The following DAB1 variants were observed in gnomAD, a reference collection of about 807,000 sequenced individuals.
DAB1 encodes the protein disabled homolog 1.
In DAB1, 15 loss-of-function variants were observed where a neutral mutation model predicts 64.6. That is an observed-to-expected ratio of 0.23 (90% confidence interval 0.16 to 0.36). DAB1 has a LOEUF of 0.36. Among genes scored for constraint, DAB1 ranks in the 10% least tolerant of loss-of-function variants. DAB1 has a pLI of 1.00. For synonymous variants in DAB1, 235 were observed against 251.9 expected, an observed-to-expected ratio of 0.93 and a Z score of 0.64; for missense variants, 596 against 706.7, an observed-to-expected ratio of 0.84 and a Z score of 1.78.
At chr1:58,517,750 A>C (rs1646179833) in intron 2 of DAB1, among the ~76,000 whole-genome samples, 1 of 152,176 alleles carries the variant, frequency 6.6e-6, no homozygotes, top group Non-Finnish European at 1.5e-5. Flanking sequence ...GAGAAGAGCT[A>C]GCACCTAGGT....
intron 4 of DAB1, among the ~76,000 whole-genome samples, chr1:57,121,219 G>T (rs1656630113): frequency 6.6e-6 from 1 of 151,336 alleles, no homozygotes; most frequent in African/African-American, 2.4e-5. Context: ...AGGAGAAGGA[G>T]GGGAAGGGGA....
chr1:57,351,235 C>T (rs1570345771), intron 1 of DAB1, among the ~76,000 whole-genome samples: 1 of 152,258 alleles, frequency 6.6e-6, no homozygotes, highest in South Asian at 2.1e-4. Flanking sequence ...GATCTTTAAA[C>T]ACTATGCTAT....
chr1:57,903,903 A>G (rs996195431), intron 5 of DAB1, among the ~76,000 whole-genome samples: 1 of 152,086 alleles, frequency 6.6e-6, no homozygotes, highest in African/African-American at 2.4e-5. Context: ...TTAACCAAAA[A>G]CCAGCCATAT....
chr1:58,037,423 C>T (rs1647062114), intron 5 of DAB1, among the ~76,000 whole-genome samples: 1 of 152,106 alleles, frequency 6.6e-6, no homozygotes. Context: ...AACTGGGCTG[C>T]ACAGCAGGAG....
intron 3 of DAB1, among the ~76,000 whole-genome samples, chr1:58,400,606 G>C (rs1365282952): frequency 6.6e-6 from 1 of 152,176 alleles, no homozygotes; most frequent in Non-Finnish European, 1.5e-5. Flanking sequence ...TTACGGCGCT[G>C]AGACAGCTCA....
rs1391304376 is a variant in DAB1 at position 57,419,177 on chromosome 1, A to G, written c.-137+4753T>C. 5.9e-5 allele frequency among the ~76,000 whole-genome samples: 9 copies of G among 152,074 alleles called. 1 individual carries two copies. ...ACCTCCTCTGCCAAGTTTTATTTAT[A>G]TTTTCAAGCCACGTCTCTATCCTGG... On this transcript the variant is annotated intron_variant, in intron 1 of 14. Transcript: ENST00000371236.
chr1:57,449,094 A>C (rs1189948448), intron 7 of DAB1, among the ~76,000 whole-genome samples: 2 of 152,178 alleles, frequency 1.3e-5, no homozygotes, highest in African/African-American at 4.8e-5. Flanking sequence ...TATCAGGAGA[A>C]GAGGCACAAC....
intron 7 of DAB1, among the ~76,000 whole-genome samples, chr1:57,588,454 C>T (rs77928360): frequency 0.011 from 1,732 of 152,220 alleles, 34 homozygotes; most frequent in African/African-American, 0.039. Context: ...GTGATCAAAA[C>T]GATTAATGAC....
chr1:58,300,660 GGAAGGAAGGA>G (rs1662146206), intron 4 of DAB1, among the ~76,000 whole-genome samples: 2 of 115,012 alleles, frequency 1.7e-5, no homozygotes, highest in African/African-American at 7.4e-5. Flanking sequence ...AAGGAAGGAA[GGAAGGAAGGA>G]AGGAAGGAAG....
chr1:58,415,519 C>A (rs185369909), intron 3 of DAB1: 1 of 232,864 alleles, frequency 4.3e-6, no homozygotes, highest in East Asian at 1.8e-4. Context: ...TAAGTGGACA[C>A]AGAAATCACA....
At chr1:57,346,191 G>A (rs903396993) in intron 1 of DAB1, among the ~76,000 whole-genome samples, 2 of 152,152 alleles carry the variant, frequency 1.3e-5, no homozygotes, top group African/African-American at 2.4e-5. Flanking sequence ...CAGCCCCAGT[G>A]TGGCAGTTCT....
intron 2 of DAB1, among the ~76,000 whole-genome samples, chr1:58,518,480 G>A (rs1378334571): frequency 2.0e-5 from 3 of 151,866 alleles, no homozygotes; most frequent in Non-Finnish European, 2.9e-5. Context: ...TAGGACTGGA[G>A]TCAATGAAAG....
intron 7 of DAB1, among the ~76,000 whole-genome samples, chr1:57,616,686 C>A (rs531036872): frequency 6.6e-6 from 1 of 152,178 alleles, no homozygotes; most frequent in Non-Finnish European, 1.5e-5. Context: ...GGCTAAGACC[C>A]CCTTTAGGCA....
intron 6 of DAB1, among the ~76,000 whole-genome samples, chr1:57,800,756 T>C (rs1005001172): frequency 1.3e-5 from 2 of 152,176 alleles, no homozygotes; most frequent in East Asian, 3.9e-4. Flanking sequence ...TCCAGTGACC[T>C]GTTAGCAGTA....
At chr1:57,396,752 G>A (rs1682839966) in intron 1 of DAB1, among the ~76,000 whole-genome samples, 1 of 152,168 alleles carries the variant, frequency 6.6e-6, no homozygotes, top group East Asian at 1.9e-4. Flanking sequence ...TGCCTCTTAA[G>A]GATGTTCTCA....
At chr1:57,810,466 T>C (rs541380037) in intron 6 of DAB1, among the ~76,000 whole-genome samples, 5 of 152,192 alleles carry the variant, frequency 3.3e-5, no homozygotes, top group African/African-American at 9.6e-5. Flanking sequence ...TGGGAGTAGG[T>C]TGGGAGGGCA....
intron 4 of DAB1, among the ~76,000 whole-genome samples, chr1:58,247,310 T>G (rs1221070463): frequency 6.8e-6 from 1 of 147,518 alleles, no homozygotes; most frequent in Admixed American, 6.7e-5. Flanking sequence ...CTGTAGAAGT[T>G]GTCCATTCGA....
intron 5 of DAB1, chr1:58,048,185 C>T (rs572200373): frequency 2.5e-4 from 332 of 1,315,046 alleles, no homozygotes; most frequent in Non-Finnish European, 3.4e-4. Context: ...TTAAAATCTT[C>T]TGCCACTGCC....
intron 12 of DAB1, among the ~76,000 whole-genome samples, chr1:57,012,177 C>T (rs1646286612): frequency 6.6e-6 from 1 of 152,132 alleles, no homozygotes; most frequent in Admixed American, 6.5e-5. Context: ...GCTGAATTTT[C>T]CTAATGTTAT....
Sources: gnomAD v4.1 joint callset for allele counts (sites outside exome capture counted in the v4.1 genomes callset) on GRCh38, gnomAD v4.1.1 for gene constraint, MANE v1.5 for transcripts, NCBI Gene and HGNC (gene_info 2026-07-23, HGNC 2026-07-21) for gene names.